B3GALNT2: variants seen among roughly 807,000 people sequenced by gnomAD.
The protein encoded by B3GALNT2 is beta-1,3-N-acetylgalactosaminyltransferase 2.
B3GALNT2 carries 53 observed loss-of-function variants against 61.1 expected under a neutral mutation model. That is an observed-to-expected ratio of 0.87 (90% CI 0.70 to 1.09). B3GALNT2 has a LOEUF of 1.09. Ranked by LOEUF, B3GALNT2 falls within the 50% of genes least tolerant of loss-of-function variation. B3GALNT2 has a pLI of 0.00. For synonymous variants in B3GALNT2, 223 were observed against 237.4 expected (o/e 0.94, Z 0.56); for missense variants, 544 against 623.0 (o/e 0.87, Z 1.35).
intron 4 of B3GALNT2, 111 bp downstream of exon 4, chr1:235,484,211 C>A (rs1684689435): frequency 2.8e-6 from 4 of 1,407,786 alleles, no homozygotes; most frequent in Non-Finnish European, 1.9e-6. Context: ...GAAAGTCTCT[C>A]AACCAGAGAG....
Position 235,448,007 on chromosome 1 carries a change from A to G in B3GALNT2, c.*2199T>C, listed in dbSNP as rs556462897. ...GGGCGGATCACGAGGTCAGGAGTTC[A>G]AGACCAGCCTGGCCAACATGGTGAA... On this transcript the variant is annotated 3_prime_UTR_variant, in exon 12 of 12. Coordinates refer to ENST00000366600, the MANE Select transcript of B3GALNT2 (RefSeq NM_152490.5). 2.2e-4 allele frequency among the ~76,000 whole-genome samples: 33 copies of G among 152,100 alleles called. 2 individuals are homozygous for G. Among genetic ancestry groups the G allele is most frequent in the South Asian group, 1.2e-3 (6 of 4,814 alleles).
the B3GALNT2 span, chr1:235,440,839 G>T: frequency 1.3e-5 from 2 of 152,228 alleles, no homozygotes; most frequent in African/African-American, 2.4e-5. Flanking sequence ...AAATCCTCCA[G>T]CCTGGTTCTT....
chr1:235,480,423 G>GA lies in B3GALNT2; in HGVS notation c.556-275dup, dbSNP rs147124682. Among the ~76,000 whole-genome samples the GA allele has an allele frequency of 5.4e-3, 812 of 150,998 alleles. 6 individuals are homozygous for GA. The highest frequency in any genetic ancestry group is 0.019 in the African/African-American group (770 of 41,176). On this transcript the variant is annotated intron_variant, in intron 4 of 11. Transcript: ENST00000366600. ...CTTAAAAAAAAAACCCACCTTGAAA[G>GA]AAAAAATATTCAGGGAAGTGAGCAG...
At chr1:235,463,218 G>A (rs902072144) in intron 7 of B3GALNT2, among the ~76,000 whole-genome samples, 1 of 152,034 alleles carries the variant, frequency 6.6e-6, no homozygotes, top group African/African-American at 2.4e-5. Flanking sequence ...GGACTTTGGG[G>A]ACTTGGTGGG....
rs780125612 is a variant in B3GALNT2 at position 235,471,006 on chromosome 1, A to G, written c.652-46T>C. 1.5e-5 allele frequency: 24 copies of G among 1,599,194 alleles called. No homozygotes were observed. In the Admixed American group the frequency reaches 2.9e-4, roughly 19 times the overall value. On this transcript the variant is annotated intron_variant, in intron 5 of 11. Coordinates refer to ENST00000366600, the MANE Select transcript of B3GALNT2 (RefSeq NM_152490.5). Reference sequence around the variant, plus strand: ...GTGAGTCAATTTCCTTATTGCTGTCATTTAGGTTTTAAGTATGCTTTCAGG... The same window carrying G: ...GTGAGTCAATTTCCTTATTGCTGTCGTTTAGGTTTTAAGTATGCTTTCAGG...
intron 5 of B3GALNT2, among the ~76,000 whole-genome samples, chr1:235,476,953 T>C (rs894462943): frequency 6.6e-6 from 1 of 151,046 alleles, no homozygotes; most frequent in Admixed American, 6.6e-5. Flanking sequence ...TGAGCCCATA[T>C]GGTTGAGGCT....
intron 1 of B3GALNT2, among the ~76,000 whole-genome samples, chr1:235,495,895 T>G (rs1279496497): frequency 1.3e-5 from 2 of 152,328 alleles, no homozygotes; most frequent in South Asian, 4.1e-4. Flanking sequence ...CAGGTTGATA[T>G]TTTCTTCAAA....
intron 5 of B3GALNT2, among the ~76,000 whole-genome samples, chr1:235,474,077 TAAGC>T (rs370192887): frequency 6.6e-6 from 1 of 152,236 alleles, no homozygotes; most frequent in African/African-American, 2.4e-5. Flanking sequence ...GTTTTGTTAC[TAAGC>T]AAGGAAGAAG....
intron 6 of B3GALNT2, among the ~76,000 whole-genome samples, chr1:235,468,329 T>G (rs889795221): frequency 3.3e-5 from 5 of 152,186 alleles, no homozygotes; most frequent in African/African-American, 1.2e-4. Flanking sequence ...GGTTTTGTTT[T>G]TGTTTTTTTA....
At position 235,448,603 on chromosome 1, in the gene B3GALNT2, GTA is replaced by G; in HGVS notation, c.*1601_*1602del. ...TGCCTGGGGACGGGGTGGGGGAAGA[GTA>G]TGTGTAGCATGCTTTATCGGATCTG... On this transcript the variant is annotated 3_prime_UTR_variant, in exon 12 of 12. Transcript: ENST00000366600. 7.0e-7 allele frequency: 1 copy of G among 1,435,640 alleles called. No homozygotes were observed. The highest frequency in any genetic ancestry group is 9.8e-7 in the Non-Finnish European group (1 of 1,017,816). 88.9% of individuals were successfully genotyped at this position (1,435,640 alleles called of 1,614,324 possible).
At chr1:235,484,272 T>C (rs1244817448) in intron 4 of B3GALNT2, 50 bp downstream of exon 4, 1 of 1,523,966 alleles carries the variant, frequency 6.6e-7, no homozygotes, top group Non-Finnish European at 8.8e-7. Context: ...GAAAAGTTGA[T>C]GTTTTTGAAA....
chr1:235,451,830 C>T (rs910661535), intron 11 of B3GALNT2: 8 of 152,202 alleles, frequency 5.3e-5, no homozygotes, highest in African/African-American at 1.7e-4. Flanking sequence ...CTAAAGCCAG[C>T]TTTGTGCTTG....
chr1:235,443,169 CACACACACACACACACATATATATAT>C (rs1352216254), downstream of B3GALNT2, among the ~76,000 whole-genome samples: 4 of 137,908 alleles, frequency 2.9e-5, no homozygotes, highest in African/African-American at 9.0e-5. Flanking sequence ...TATAATTACA[CACACACACACACACACATATATATAT>C]ACACACACAC....
intron 2 of B3GALNT2, 87 bp downstream of exon 2, chr1:235,494,594 C>G (rs868216723): frequency 7.1e-7 from 1 of 1,404,042 alleles, no homozygotes; most frequent in Middle Eastern, 1.8e-4. Context: ...GTAGCTGGGA[C>G]GACGGGCACA....
intron 9 of B3GALNT2, among the ~76,000 whole-genome samples, chr1:235,454,822 C>T (rs1410611028): frequency 6.6e-6 from 1 of 152,162 alleles, no homozygotes; most frequent in Non-Finnish European, 1.5e-5. Context: ...GTTAAATTTT[C>T]TCAAAGTTGC....
At chr1:235,483,230 AAC>A (rs1684638416) in intron 4 of B3GALNT2, among the ~76,000 whole-genome samples, 1 of 152,198 alleles carries the variant, frequency 6.6e-6, no homozygotes, top group African/African-American at 2.4e-5. Flanking sequence ...AAAGAGAAAA[AAC>A]ACTGAAAAAA....
chr1:235,500,150 G>C (rs1453710042), intron 1 of B3GALNT2, among the ~76,000 whole-genome samples: 2 of 152,078 alleles, frequency 1.3e-5, no homozygotes, highest in Non-Finnish European at 2.9e-5. Context: ...TGAGAGTCTG[G>C]CAACCTGCTC....
downstream of B3GALNT2, among the ~76,000 whole-genome samples, chr1:235,443,672 G>A (rs191872823): frequency 6.6e-6 from 1 of 152,216 alleles, no homozygotes; most frequent in African/African-American, 2.4e-5. Context: ...AAATTCTTAC[G>A]GGAGGTTTGT....
chr1:235,465,595 G>A (rs772664394), intron 7 of B3GALNT2, 41 bp downstream of exon 7: 2 of 1,607,680 alleles, frequency 1.2e-6, no homozygotes, highest in Admixed American at 3.4e-5. Context: ...TTAAGTATAA[G>A]ACATTCAGTG....
Sources: gnomAD v4.1 joint callset for allele counts (sites outside exome capture counted in the v4.1 genomes callset) on GRCh38, gnomAD v4.1.1 for gene constraint, MANE v1.5 for transcripts, NCBI Gene and HGNC (gene_info 2026-07-23, HGNC 2026-07-21) for gene names.